Variants in AUTS2 observed in about 807,000 individuals in gnomAD.
AUTS2 encodes the protein activator of transcription and developmental regulator AUTS2, also known as autism susceptibility gene 2 protein.
Under a neutral mutation model 112.4 loss-of-function variants are expected in AUTS2, and 17 were observed. That is an observed-to-expected ratio of 0.15 (90% CI 0.10 to 0.23). The LOEUF (loss-of-function observed/expected upper bound fraction) is 0.23, where lower values mean the gene tolerates loss of function less well. AUTS2 is among the 10% of genes least tolerant of loss of function. The probability of loss-of-function intolerance (pLI) is 1.00; values close to 1 mark genes in which losing one functional copy is unlikely to be tolerated. For synonymous variants in AUTS2, 751 were observed against 702.7 expected (o/e 1.07, Z -1.09); for missense variants, 1,510 against 1,701.6 (o/e 0.89, Z 1.98).
intron 1 of AUTS2, among the ~76,000 whole-genome samples, chr7:69,836,332 C>T (rs1460776043): frequency 6.6e-6 from 1 of 152,126 alleles, no homozygotes; most frequent in African/African-American, 2.4e-5. Flanking sequence ...AGATGACTGG[C>T]CACACCTCTG....
At chr7:70,104,638 C>G (rs1804674178) in intron 2 of AUTS2, among the ~76,000 whole-genome samples, 1 of 152,124 alleles carries the variant, frequency 6.6e-6, no homozygotes, top group Non-Finnish European at 1.5e-5. Flanking sequence ...TATGATGAAA[C>G]AGAATGCTTA....
intron 1 of AUTS2, among the ~76,000 whole-genome samples, chr7:69,847,104 C>G (rs145631161): frequency 6.6e-6 from 1 of 152,260 alleles, no homozygotes; most frequent in South Asian, 2.1e-4. Context: ...CCCCTACCCC[C>G]CAGTACATGC....
At chr7:70,139,302 A>G (rs1204230789) in intron 4 of AUTS2, among the ~76,000 whole-genome samples, 2 of 152,168 alleles carry the variant, frequency 1.3e-5, no homozygotes, top group African/African-American at 4.8e-5. Context: ...ATTCTGTCTA[A>G]CCATAGTTGC....
intron 3 of AUTS2, among the ~76,000 whole-genome samples, chr7:70,133,439 A>G (rs796334580): frequency 1.5e-4 from 23 of 152,314 alleles, no homozygotes; most frequent in African/African-American, 3.4e-4. Context: ...CTAAGAAGCA[A>G]TGATGAAAAA....
chr7:70,524,522 G>A (rs1799764828), intron 5 of AUTS2, among the ~76,000 whole-genome samples: 1 of 152,122 alleles, frequency 6.6e-6, no homozygotes, highest in Admixed American at 6.5e-5. Flanking sequence ...AAGCTCCCTG[G>A]CAGAAAGAAA....
At chr7:69,967,543 T>A (rs767349490) in intron 2 of AUTS2, among the ~76,000 whole-genome samples, 1 of 152,098 alleles carries the variant, frequency 6.6e-6, no homozygotes, top group African/African-American at 2.4e-5. Flanking sequence ...TGCAGGAACA[T>A]AAAGGGGAAG....
chr7:70,259,520 T>C (rs1264232087), intron 4 of AUTS2, among the ~76,000 whole-genome samples: 3 of 152,150 alleles, frequency 2.0e-5, no homozygotes, highest in Non-Finnish European at 4.4e-5. Context: ...TCACCAAGCC[T>C]AATTCCTTCC....
chr7:69,752,787 G>A (rs899592262), intron 1 of AUTS2, among the ~76,000 whole-genome samples: 1 of 152,168 alleles, frequency 6.6e-6, no homozygotes, highest in African/African-American at 2.4e-5. Flanking sequence ...CAATGGGAAA[G>A]GAGATAAGAG....
chr7:70,096,466 C>T (rs990484950), intron 2 of AUTS2, among the ~76,000 whole-genome samples: 17 of 151,310 alleles, frequency 1.1e-4, no homozygotes, highest in African/African-American at 3.9e-4. Context: ...GGCATGGTGG[C>T]GGGCGCCTGT....
chr7:70,475,182 TC>T (rs1797536715), intron 5 of AUTS2, among the ~76,000 whole-genome samples: 1 of 152,172 alleles, frequency 6.6e-6, no homozygotes, highest in Admixed American at 6.5e-5. Context: ...TCTGAGAGAT[TC>T]TTTTTTTATA....
In AUTS2 at chr7:69,599,621, G is replaced by A. The variant is rs1297339219; in HGVS notation, c.-33G>A. ...TGTGGCTGCGGCCGTAGCCTGTGGC[G>A]GGCAAGCGGGGAGACCCCGGCGCAG... On this transcript the variant is annotated 5_prime_UTR_variant, in exon 1 of 19. Coordinates refer to ENST00000342771, the MANE Select transcript of AUTS2 (RefSeq NM_015570.4). The surrounding 1 kb of genome is among the most constrained non-coding windows in gnomAD (Gnocchi z 7.0). 2.4e-6 allele frequency: 3 copies of A among 1,269,968 alleles called. No homozygotes were observed. The highest frequency in any genetic ancestry group is 3.1e-5 in the African/African-American group (2 of 64,368). The allele number at this position is 1,269,968 out of a possible 1,614,324, so 78.7% of individuals were successfully genotyped here. A position where few individuals can be genotyped will look rare whatever the true frequency, so the allele number is the denominator to read the frequency against.
chr7:70,531,538 A>T (rs775126420), intron 5 of AUTS2, among the ~76,000 whole-genome samples: 11 of 152,138 alleles, frequency 7.2e-5, no homozygotes, highest in Non-Finnish European at 1.5e-4. Flanking sequence ...GCAGAAGGTG[A>T]AGAGGGAGCA....
intron 2 of AUTS2, among the ~76,000 whole-genome samples, chr7:69,959,944 T>A (rs1295004260): frequency 6.6e-6 from 1 of 152,122 alleles, no homozygotes; most frequent in African/African-American, 2.4e-5. Flanking sequence ...ACAGTATGGC[T>A]GCTATAGTCA....
chr7:70,346,202 A>C (rs1791489782), intron 4 of AUTS2, among the ~76,000 whole-genome samples: 1 of 152,178 alleles, frequency 6.6e-6, no homozygotes, highest in Non-Finnish European at 1.5e-5. Flanking sequence ...GACATATGAC[A>C]CTGCTTTTCC....
intron 5 of AUTS2, among the ~76,000 whole-genome samples, chr7:70,610,228 G>A (rs1181128160): frequency 1.3e-5 from 2 of 151,840 alleles, no homozygotes; most frequent in East Asian, 3.9e-4. Flanking sequence ...CGAACTCCTG[G>A]CATCAAGTGA....
At chr7:70,717,135 G>C (rs1810424809) in intron 6 of AUTS2, among the ~76,000 whole-genome samples, 1 of 151,786 alleles carries the variant, frequency 6.6e-6, no homozygotes, top group Admixed American at 6.6e-5. Context: ...GGGCTCAAGT[G>C]ATCCTCCTGC....
At chr7:70,352,740 A>T (rs1323977244) in intron 4 of AUTS2, among the ~76,000 whole-genome samples, 1 of 152,240 alleles carries the variant, frequency 6.6e-6, no homozygotes, top group Non-Finnish European at 1.5e-5. Context: ...TTTAAAAAAC[A>T]TTTTAAATGA....
chr7:70,016,226 C>G (rs1800022080), intron 2 of AUTS2, among the ~76,000 whole-genome samples: 1 of 152,112 alleles, frequency 6.6e-6, no homozygotes, highest in African/African-American at 2.4e-5. Context: ...CTGAATTGGA[C>G]AGAAAGCAGA....
chr7:69,850,997 A>G (rs1441370926), intron 1 of AUTS2, among the ~76,000 whole-genome samples: 2 of 152,228 alleles, frequency 1.3e-5, no homozygotes, highest in African/African-American at 2.4e-5. Context: ...ATTTAAATGT[A>G]TGACCCATTT....
Sources: allele counts gnomAD v4.1 joint callset (sites outside exome capture counted in the v4.1 genomes callset), GRCh38; gene constraint gnomAD v4.1.1; non-coding constraint Gnocchi (gnomAD v3.1); transcripts MANE v1.5; gene names NCBI Gene and HGNC (gene_info 2026-07-23, HGNC 2026-07-21).